PTPRK: variants seen among roughly 807,000 people sequenced by gnomAD.
The protein encoded by PTPRK is protein tyrosine phosphatase receptor type K, also known as receptor-type tyrosine-protein phosphatase kappa.
A neutral mutation model predicts 178.0 loss-of-function variants in PTPRK; 75 were observed. That is an observed-to-expected ratio of 0.42 (90% CI 0.35 to 0.51). The LOEUF (loss-of-function observed/expected upper bound fraction) is 0.51, where lower values mean the gene tolerates loss of function less well. Ranked by LOEUF, PTPRK falls within the 20% of genes least tolerant of loss-of-function variation. PTPRK has a pLI of 0.02. For missense variants in PTPRK, 1,441 were observed against 1,797.8 expected (o/e 0.80, Z 3.59); for synonymous variants, 637 against 620.6 (o/e 1.03, Z -0.39).
intron 7 of PTPRK, among the ~76,000 whole-genome samples, chr6:128,136,709 T>C (rs550228514): frequency 1.3e-5 from 2 of 152,196 alleles, no homozygotes; most frequent in Non-Finnish European, 2.9e-5. Context: ...AAAACCACTA[T>C]CTTATTTCTT....
intron 27 of PTPRK, among the ~76,000 whole-genome samples, chr6:127,975,468 A>G (rs1405905558): frequency 6.6e-6 from 1 of 152,166 alleles, no homozygotes; most frequent in African/African-American, 2.4e-5. Flanking sequence ...TAGACTTATT[A>G]ACCAGACACA....
chr6:128,268,763 T>C (rs879615033), intron 3 of PTPRK, among the ~76,000 whole-genome samples: 1 of 152,054 alleles, frequency 6.6e-6, no homozygotes, highest in African/African-American at 2.4e-5. Flanking sequence ...CTACGTCCCC[T>C]TTAAATATAG....
At chr6:128,148,486 G>T (rs1441974975) in intron 7 of PTPRK, among the ~76,000 whole-genome samples, 3 of 152,038 alleles carry the variant, frequency 2.0e-5, no homozygotes, top group Non-Finnish European at 2.9e-5. Flanking sequence ...ATAAGTAATG[G>T]CTGGGTTGGG....
At chr6:128,259,671 AG>A (rs1817881679) in intron 3 of PTPRK, among the ~76,000 whole-genome samples, 1 of 152,190 alleles carries the variant, frequency 6.6e-6, no homozygotes, top group Admixed American at 6.5e-5. Context: ...AAAAATTTCA[AG>A]TATGTTTTAG....
intron 3 of PTPRK, among the ~76,000 whole-genome samples, chr6:128,265,023 T>C (rs886769975): frequency 6.6e-6 from 1 of 152,168 alleles, no homozygotes; most frequent in African/African-American, 2.4e-5. Flanking sequence ...GCATTTTCTT[T>C]TGTAAATTGC....
At chr6:128,135,213 C>T (rs998595163) in intron 7 of PTPRK, among the ~76,000 whole-genome samples, 1 of 152,056 alleles carries the variant, frequency 6.6e-6, no homozygotes, top group Non-Finnish European at 1.5e-5. Flanking sequence ...AAGGTCTAAC[C>T]ATGATTGATG....
chr6:128,342,826 C>T (rs749279241), intron 2 of PTPRK, among the ~76,000 whole-genome samples: 21 of 152,002 alleles, frequency 1.4e-4, no homozygotes, highest in Non-Finnish European at 2.2e-4. Flanking sequence ...GTAGCACACA[C>T]CTGTAGTCTC....
intron 2 of PTPRK, among the ~76,000 whole-genome samples, chr6:128,374,549 C>T (rs1404070037): frequency 6.6e-6 from 1 of 152,146 alleles, no homozygotes; most frequent in Non-Finnish European, 1.5e-5. Context: ...TTCACTCATC[C>T]ATGACTCCTA....
chr6:128,467,160 C>T (rs897557342), intron 1 of PTPRK, among the ~76,000 whole-genome samples: 3 of 152,092 alleles, frequency 2.0e-5, no homozygotes, highest in East Asian at 1.9e-4. Context: ...CCACCGCGCC[C>T]GGCTAATTTT....
At chr6:128,517,048 A>G (rs1858157469) in intron 1 of PTPRK, among the ~76,000 whole-genome samples, 2 of 151,578 alleles carry the variant, frequency 1.3e-5, no homozygotes, top group African/African-American at 4.9e-5. Flanking sequence ...CAATAATTAA[A>G]TGAATGACTG....
chr6:128,078,450 C>T (rs1017349800), intron 11 of PTPRK, among the ~76,000 whole-genome samples: 3 of 151,944 alleles, frequency 2.0e-5, no homozygotes, highest in East Asian at 3.9e-4. Flanking sequence ...GAAAAACTAC[C>T]CCCCAACCCT....
At chr6:128,048,261 G>T (rs975399220) in intron 13 of PTPRK, among the ~76,000 whole-genome samples, 1 of 152,180 alleles carries the variant, frequency 6.6e-6, no homozygotes, top group African/African-American at 2.4e-5. Flanking sequence ...CAGTGATTTA[G>T]AAACTGTGGA....
chr6:128,520,507 C>A lies in PTPRK; in HGVS notation c.-149G>T. On this transcript the variant is annotated 5_prime_UTR_variant, in exon 1 of 30. Transcript: ENST00000368226. ...CCCGCCCTTTTTCCTTCTTCGCGGT[C>A]GCCAAACTACCTCAGGGGCGAAAGC... 1.4e-6 allele frequency: 1 copy of A among 696,538 alleles called. No individual in the cohort carries two copies. The highest frequency in any genetic ancestry group is 1.9e-5 in the South Asian group (1 of 53,618). The allele number at this position is 696,538 out of a possible 1,614,324, so 43.1% of individuals were successfully genotyped here. A position where few individuals can be genotyped will look rare whatever the true frequency, so the allele number is the denominator to read the frequency against.
intron 2 of PTPRK, among the ~76,000 whole-genome samples, chr6:128,366,408 T>TTC (rs921064686): frequency 1.3e-5 from 2 of 152,156 alleles, no homozygotes; most frequent in African/African-American, 4.8e-5. Flanking sequence ...TTTTAATAAT[T>TTC]TCCCTATTTC....
chr6:128,417,453 T>A (rs1842973509), intron 1 of PTPRK, among the ~76,000 whole-genome samples: 1 of 152,182 alleles, frequency 6.6e-6, no homozygotes, highest in Non-Finnish European at 1.5e-5. Context: ...AGAAAAACTA[T>A]AATGGTTAAT....
intron 13 of PTPRK, among the ~76,000 whole-genome samples, chr6:128,034,882 C>T (rs1775947726): frequency 1.3e-5 from 2 of 152,056 alleles, no homozygotes; most frequent in Admixed American, 1.3e-4. Context: ...TAAAGATACA[C>T]ATTTTAAGTA....
chr6:128,466,700 A>C (rs546439348), intron 1 of PTPRK, among the ~76,000 whole-genome samples: 3 of 152,236 alleles, frequency 2.0e-5, no homozygotes, highest in Non-Finnish European at 4.4e-5. Context: ...TGCACACAAT[A>C]TACAATATGG....
intron 5 of PTPRK, 110 bp downstream of exon 5, chr6:128,239,925 G>C (rs965205185): frequency 1.4e-6 from 1 of 728,562 alleles, no homozygotes; most frequent in East Asian, 2.8e-5. Context: ...ACATGCGTGT[G>C]CACACGCACA....
intron 6 of PTPRK, among the ~76,000 whole-genome samples, chr6:128,191,476 A>G (rs1276603236): frequency 6.6e-6 from 1 of 152,020 alleles, no homozygotes; most frequent in Non-Finnish European, 1.5e-5. Flanking sequence ...GTTCAGATGA[A>G]TAAGTTTTGG....
Sources: gnomAD v4.1 joint callset for allele counts (sites outside exome capture counted in the v4.1 genomes callset) on GRCh38, gnomAD v4.1.1 for gene constraint, MANE v1.5 for transcripts, NCBI Gene and HGNC (gene_info 2026-07-23, HGNC 2026-07-21) for gene names.